The following JAG1 variants were observed in gnomAD, a reference collection of about 807,000 sequenced individuals.
JAG1 encodes the protein jagged canonical Notch ligand 1.
A neutral mutation model predicts 148.7 loss-of-function variants in JAG1; 23 were observed. The ratio of observed to expected loss-of-function variants is 0.15; its 90% confidence interval spans 0.11 to 0.22. The LOEUF is 0.22. Ranked by LOEUF, JAG1 falls within the 10% of genes least tolerant of loss-of-function variation. JAG1 has a pLI of 1.00. For synonymous variants in JAG1, 572 were observed against 598.3 expected (o/e 0.96, Z 0.64); for missense variants, 1,054 against 1,611.2 (o/e 0.65, Z 5.92).
At chr20:10,649,373 T>C in intron 10 of JAG1, 149 bp downstream of exon 10, 1 of 700,506 alleles carries the variant, frequency 1.4e-6, no homozygotes, top group Non-Finnish European at 2.6e-6. Context: ...ATGTTTTCAC[T>C]GCTGCCCTGA....
intron 23 of JAG1, 75 bp from the exon 24 acceptor site, chr20:10,641,319 G>T: frequency 6.3e-7 from 1 of 1,585,730 alleles, no homozygotes; most frequent in Non-Finnish European, 8.6e-7. Flanking sequence ...TTCTCTTTGA[G>T]GCTGGCTAAG....
In JAG1 at chr20:10,645,672, T is replaced by C. The variant is rs1025001037; in HGVS notation, c.2000-203A>G. On this transcript the variant is annotated intron_variant, in intron 15 of 25. Transcript: ENST00000254958. This position sits in a 1 kb window ranked among gnomAD's most constrained non-coding sequence, Gnocchi z 6.1. ...TTTGAATGCCACAAGTTAGGCAAGA[T>C]GTGGGGTGGGCCTCTGGAAGTCCCA... 3 of 640,000 alleles carry C rather than the reference T, an allele frequency of 4.7e-6. No individual in the cohort carries two copies. The highest frequency in any genetic ancestry group is 5.4e-5 in the East Asian group (2 of 36,790). The allele number at this position is 640,000 out of a possible 1,614,324, so 39.6% of individuals were successfully genotyped here.
chr20:10,662,639 C>G (rs2067425291), intron 3 of JAG1: 1 of 152,268 alleles, frequency 6.6e-6, no homozygotes, highest in Non-Finnish European at 1.5e-5. Context: ...ACATAATGTT[C>G]ACAGTCCTCA....
At chr20:10,672,253 G>A (rs551854913) in intron 2 of JAG1, among the ~76,000 whole-genome samples, 1 of 152,322 alleles carries the variant, frequency 6.6e-6, no homozygotes, top group East Asian at 1.9e-4. Flanking sequence ...CCTCCCGGCC[G>A]TTCACGGGAA....
intron 8 of JAG1, chr20:10,651,362 C>A: frequency 1.9e-6 from 1 of 518,844 alleles, no homozygotes; most frequent in Non-Finnish European, 3.5e-6. Context: ...GAGGACGTTC[C>A]TTCCAAGAAC....
chr20:10,659,614 A>G (rs2122625595), intron 3 of JAG1, among the ~76,000 whole-genome samples: 1 of 143,212 alleles, frequency 7.0e-6, no homozygotes, highest in Non-Finnish European at 1.5e-5. Flanking sequence ...CAACCTTTAA[A>G]GCCAGCTCTT....
chr20:10,640,608 G>A (rs981623288), intron 25 of JAG1, among the ~76,000 whole-genome samples, 175 bp downstream of exon 25: 1 of 152,242 alleles, frequency 6.6e-6, no homozygotes, highest in African/African-American at 2.4e-5. Context: ...GCAGACCTCT[G>A]TTCCCATGGG....
In JAG1 at chr20:10,642,412, G is replaced by A. The variant is rs1001492844; in HGVS notation, c.2572+76C>T. On this transcript the variant is annotated intron_variant, in intron 21 of 25. Coordinates refer to ENST00000254958, the MANE Select transcript of JAG1 (RefSeq NM_000214.3). The stretch of plus-strand genomic sequence containing the variant: ...CTTCCCTGAGCACAGTGGCTTATTT[G>A]TGAAAAGTCAAATGGTGACTGCAAA... 3.6e-6 allele frequency: 3 copies of A among 840,370 alleles called. No individual in the cohort carries two copies. The African/African-American group carries it at 5.0e-5, about 14-fold the overall frequency. 52.1% of individuals were successfully genotyped at this position (840,370 alleles called of 1,614,324 possible).
chr20:10,648,958 C>T (rs1277457973), intron 11 of JAG1, 103 bp downstream of exon 11: 2 of 1,086,526 alleles, frequency 1.8e-6, no homozygotes, highest in Non-Finnish European at 2.8e-6. Context: ...TTTTTTCACC[C>T]AAATTTTTAA....
At chr20:10,642,816 A>C (rs2067282373) in intron 20 of JAG1, among the ~76,000 whole-genome samples, 1 of 152,226 alleles carries the variant, frequency 6.6e-6, no homozygotes, top group Non-Finnish European at 1.5e-5. Flanking sequence ...CTAACAGTGG[A>C]GAACCATTTT....
Position 10,639,835 on chromosome 20 carries a change from G to A in JAG1, c.3320C>T (p.Ser1107Phe), listed in dbSNP as rs142294152. 8.1e-6 allele frequency: 13 copies of A among 1,614,064 alleles called. No homozygotes were observed. The highest frequency in any genetic ancestry group is 1.1e-5 in the Non-Finnish European group (13 of 1,180,020). The change falls in exon 26 of 26, where the codon TCT (serine) becomes TTT (phenylalanine). Residue 1107 changes from serine (S) to phenylalanine (F), a missense_variant. This residue lies in a region of JAG1 where 177 missense variants were observed against 177.3 expected (regional missense o/e 1.00). Coordinates refer to ENST00000254958, the MANE Select transcript of JAG1 (RefSeq NM_000214.3). ...RKPGSHTHSA[S>F]EDNTTNNVRE... ...CACGTTGTTGGTGGTGTTGTCCTCA[G>A]AGGCTGAGTGTGTGTGGCTGCCCGG...
At chr20:10,664,371 G>GAAACAC (rs2067437688) in intron 2 of JAG1, among the ~76,000 whole-genome samples, 1 of 88,096 alleles carries the variant, frequency 1.1e-5, no homozygotes, top group Non-Finnish European at 2.3e-5. Context: ...AGTGCATGAG[G>GAAACAC]AAACACACAC....
chr20:10,661,907 G>C (rs2067419905), intron 3 of JAG1, among the ~76,000 whole-genome samples: 1 of 152,332 alleles, frequency 6.6e-6, no homozygotes, highest in Middle Eastern at 3.4e-3. Context: ...TGCTAACAGA[G>C]AGGGGGTACA....
At position 10,643,669 on chromosome 20, in the gene JAG1, A is replaced by T; in HGVS notation, c.2458+109T>A. The T allele has an allele frequency of 3.6e-6, 3 of 835,048 alleles. No individual in the cohort carries two copies. The South Asian group carries it at 4.3e-5, about 12-fold the overall frequency. 51.7% of individuals were successfully genotyped at this position (835,048 alleles called of 1,614,324 possible). On this transcript the variant is annotated intron_variant, in intron 20 of 25. Coordinates refer to ENST00000254958, the MANE Select transcript of JAG1 (RefSeq NM_000214.3). ...GGAGAGAGATCCTTTGCTCTATGAG[A>T]GCTACTTAAAGGGAATGGTGGCTTT...
In JAG1 at chr20:10,673,572, C is replaced by T; in HGVS notation, c.-42G>A. 8.7e-7 allele frequency: 1 copy of T among 1,146,826 alleles called. No individual in the cohort carries two copies. Among genetic ancestry groups the T allele is most frequent in the Non-Finnish European group, 1.1e-6 (1 of 907,552 alleles). The allele number at this position is 1,146,826 out of a possible 1,614,324, so 71.0% of individuals were successfully genotyped here. ...GCGGGCACTCGGGACGCCGCCGCTGCTGTTCGCGCTGGTGCTGCCGCCGGT... is the reference window on the plus strand; with the variant it reads ...GCGGGCACTCGGGACGCCGCCGCTGTTGTTCGCGCTGGTGCTGCCGCCGGT... On this transcript the variant is annotated 5_prime_UTR_variant, in exon 1 of 26. Coordinates refer to ENST00000254958, the MANE Select transcript of JAG1 (RefSeq NM_000214.3). The surrounding 1 kb of genome is among the most constrained non-coding windows in gnomAD (Gnocchi z 4.7).
At chr20:10,652,013 C>T in intron 7 of JAG1, 118 bp downstream of exon 7, 1 of 1,177,852 alleles carries the variant, frequency 8.5e-7, no homozygotes, top group South Asian at 1.2e-5. Flanking sequence ...TGGGATAAGG[C>T]CTATCTTTGG....
intron 7 of JAG1, 28 bp from the exon 8 acceptor site, chr20:10,651,722 AGG>A (rs1243471962): frequency 2.1e-6 from 3 of 1,429,880 alleles, no homozygotes; most frequent in Non-Finnish European, 3.0e-6. Context: ...GCAGTCAGAG[AGG>A]GATGCCTGCA....
Position 10,639,795 on chromosome 20 carries a change from G to A in JAG1, c.3360C>T (p.Asn1120=), listed in dbSNP as rs1157149628. The A allele has an allele frequency of 6.2e-7, 1 of 1,614,134 alleles. No homozygotes were observed. Among genetic ancestry groups the A allele is most frequent in the Non-Finnish European group, 8.5e-7 (1 of 1,180,026 alleles). ...NTTNNVREQL[N]QIKNPIEKHG... is the part of the protein sequence containing the mutation. ...GTTTCTCAATGGGGTTTTTGATCTG[G>A]TTCAGCTGCTCCCGCACGTTGTTGG... Residue 1120 remains asparagine, a synonymous_variant, in exon 26 of 26, where the codon AAC becomes AAT. Transcript: ENST00000254958.
intron 8 of JAG1, chr20:10,651,014 C>T (rs1285937060): frequency 6.3e-6 from 1 of 159,824 alleles, no homozygotes; most frequent in Non-Finnish European, 1.4e-5. Context: ...ATAACCACAC[C>T]TGGGGTGCTG....
Sources: allele counts gnomAD v4.1 joint callset (sites outside exome capture counted in the v4.1 genomes callset), GRCh38; gene constraint gnomAD v4.1.1; regional missense constraint gnomAD v4.1.1; non-coding constraint Gnocchi (gnomAD v3.1); transcripts MANE v1.5; gene names NCBI Gene and HGNC (gene_info 2026-07-23, HGNC 2026-07-21).